KPNA7: variants seen among roughly 807,000 people sequenced by gnomAD.
KPNA7 encodes karyopherin subunit alpha 7.
A neutral mutation model predicts 53.7 loss-of-function variants in KPNA7; 54 were observed. The ratio of observed to expected loss-of-function variants is 1.01; its 90% CI spans 0.81 to 1.26. The LOEUF (loss-of-function observed/expected upper bound fraction) is 1.26, where lower values mean the gene tolerates loss of function less well. Among genes scored for constraint, KPNA7 ranks in the 50% most tolerant of loss-of-function variants. The pLI is 0.00. For synonymous variants in KPNA7, 276 were observed against 259.3 expected, an observed-to-expected ratio of 1.06 and a Z score of -0.62; for missense variants, 640 against 644.5, an observed-to-expected ratio of 0.99 and a Z score of 0.07.
At chr7:99,201,112 A>G (rs1224327951) in intron 3 of KPNA7, among the ~76,000 whole-genome samples, 1 of 152,252 alleles carries the variant, frequency 6.6e-6, no homozygotes, top group Middle Eastern at 3.2e-3. Flanking sequence ...TCACATGTTT[A>G]TATGATTGCA....
At chr7:99,211,592 G>A (rs1214403745), upstream of KPNA7, among the ~76,000 whole-genome samples, 5 of 152,154 alleles carry the variant, frequency 3.3e-5, no homozygotes, top group Non-Finnish European at 7.3e-5. Context: ...AACAGAGTTA[G>A]TATCAGAGGC....
chr7:99,212,092 A>C (rs1584324649), upstream of KPNA7, among the ~76,000 whole-genome samples: 1 of 152,112 alleles, frequency 6.6e-6, no homozygotes, highest in East Asian at 1.9e-4. Flanking sequence ...TCTTCAATAC[A>C]ACTTCAAGCT....
upstream of KPNA7, among the ~76,000 whole-genome samples, chr7:99,210,021 A>G (rs1015916990): frequency 6.6e-6 from 1 of 150,922 alleles, no homozygotes; most frequent in South Asian, 2.2e-4. Flanking sequence ...CAAACAAACA[A>G]AAAAAAGAAA....
chr7:99,212,141 T>C (rs1791088988), upstream of KPNA7, among the ~76,000 whole-genome samples: 1 of 151,392 alleles, frequency 6.6e-6, no homozygotes. Flanking sequence ...CAGAACTCAG[T>C]ATACCTGGGA....
At chr7:99,169,753 G>T (rs151312071), downstream of KPNA7, among the ~76,000 whole-genome samples, 2 of 151,568 alleles carry the variant, frequency 1.3e-5, 1 homozygote, top group East Asian at 3.9e-4. Context: ...AAGATCTGCA[G>T]CTCTGGGCCA....
At chr7:99,149,066 T>A in the KPNA7 span, among the ~76,000 whole-genome samples, 1 of 151,862 alleles carries the variant, frequency 6.6e-6, no homozygotes, top group Non-Finnish European at 1.5e-5. Flanking sequence ...CAGCTAAGTT[T>A]TGTATTTTTA....
intron 1 of KPNA7, among the ~76,000 whole-genome samples, chr7:99,213,321 G>A (rs1188311255): frequency 1.3e-5 from 2 of 151,060 alleles, no homozygotes; most frequent in Non-Finnish European, 2.9e-5. Flanking sequence ...GTAGAGACGG[G>A]GTTTTGCCAT....
chr7:99,207,693 T>TG (rs1300799113), intron 1 of KPNA7, among the ~76,000 whole-genome samples: 1 of 117,958 alleles, frequency 8.5e-6, no homozygotes, highest in African/African-American at 3.1e-5. Context: ...TTGAGTGCAG[T>TG]GGGGGGATAT....
At chr7:99,146,324 G>T in the KPNA7 span, among the ~76,000 whole-genome samples, 2 of 152,084 alleles carry the variant, frequency 1.3e-5, no homozygotes, top group Non-Finnish European at 2.9e-5. Flanking sequence ...TTTCTGAAAG[G>T]CATTTTGTTC....
At chr7:99,171,424 T>C (rs1385344168), downstream of KPNA7, among the ~76,000 whole-genome samples, 1 of 48,218 alleles carries the variant, frequency 2.1e-5, no homozygotes, top group Non-Finnish European at 4.7e-5. Context: ...GTTTCCTGGA[T>C]CCCATGCCTA....
At chr7:99,162,922 T>C in the KPNA7 span, among the ~76,000 whole-genome samples, 1 of 152,160 alleles carries the variant, frequency 6.6e-6, no homozygotes, top group East Asian at 1.9e-4. Flanking sequence ...AGCTCACGCC[T>C]GTAATCCCAA....
At chr7:99,189,836 C>CCT (rs1789842877) in intron 6 of KPNA7, among the ~76,000 whole-genome samples, 1 of 152,126 alleles carries the variant, frequency 6.6e-6, no homozygotes, top group African/African-American at 2.4e-5. Flanking sequence ...AAGGGATCCT[C>CCT]CTGCCTCGGC....
intron 9 of KPNA7, among the ~76,000 whole-genome samples, chr7:99,179,311 C>G (rs1799056398): frequency 6.6e-6 from 1 of 151,912 alleles, no homozygotes; most frequent in Admixed American, 6.6e-5. Flanking sequence ...AATCCCAGCA[C>G]TTTGGGAGGC....
chr7:99,173,640 G>T lies in KPNA7; in HGVS notation c.*68C>A. 1 of 958,316 alleles carries T rather than the reference G, an allele frequency of 1.0e-6. No individual in the cohort carries two copies. The highest frequency in any genetic ancestry group is 2.6e-5 in the East Asian group (1 of 37,742). 59.4% of individuals were successfully genotyped at this position (958,316 alleles called of 1,614,324 possible). On this transcript the variant is annotated 3_prime_UTR_variant, in exon 11 of 11. Transcript: ENST00000327442. ...CACATTTGGGTTACACTAAGATAGA[G>T]GACTGCTGCTTCTTAAAGAAGTTAT... is the stretch of plus-strand genomic sequence containing the variant.
chr7:99,213,680 A>G lies in KPNA7; in HGVS notation c.-23-6191T>C, dbSNP rs138738509. Among the ~76,000 whole-genome samples, 523 of 152,098 alleles carry G rather than the reference A, an allele frequency of 3.4e-3. 3 individuals are homozygous for G. The highest frequency in any genetic ancestry group is 0.017 in the Middle Eastern group (5 of 294). The stretch of plus-strand genomic sequence containing the variant: ...GGTTGGGGTGCAGTGATACAATCAT[A>G]GCTCACTGCAGCCTCAAACTACTGG... On this transcript the variant is annotated intron_variant, in intron 1 of 10. Transcript: ENST00000681060.
At chr7:99,207,613 CTTTTTTTTTTTTTTTTTTTTTTTTTTTT>C (rs754881370) in intron 1 of KPNA7, 124 bp from the exon 2 acceptor site, 1,251 of 122,686 alleles carry the variant, frequency 0.01, 1 homozygote, top group South Asian at 0.02. Flanking sequence ...AGGAAGCTAG[CTTTTTTTTTTTTTTTTTTTTTTTTTTTT>C]TTTTTTTTTT....
At chr7:99,195,379 TGA>T (rs1486228027) in intron 4 of KPNA7, 41 bp from the exon 5 acceptor site, 2 of 1,536,764 alleles carry the variant, frequency 1.3e-6, no homozygotes, top group African/African-American at 2.8e-5. Flanking sequence ...GGAGGTCAAG[TGA>T]GAGAGGTATT....
chr7:99,146,711 TAAAAAAAAAAAAAAAAAAA>T, the KPNA7 span, among the ~76,000 whole-genome samples: 2,727 of 70,438 alleles, frequency 0.039, 98 homozygotes, highest in African/African-American at 0.083. Context: ...GACTGTGTCT[TAAAAAAAAAAAAAAAAAAA>T]AAAAAAAAAA....
At chr7:99,180,740 C>CAT (rs764236016) in intron 9 of KPNA7, among the ~76,000 whole-genome samples, 5 of 36,982 alleles carry the variant, frequency 1.4e-4, no homozygotes, top group East Asian at 7.8e-4. Flanking sequence ...TCTCTCTCTC[C>CAT]CCGTGTCTCT....
Sources: allele counts gnomAD v4.1 joint callset (sites outside exome capture counted in the v4.1 genomes callset), GRCh38; gene constraint gnomAD v4.1.1; transcripts MANE v1.5; gene names NCBI Gene and HGNC (gene_info 2026-07-23, HGNC 2026-07-21).